The following CACNA1I variants were observed in gnomAD, a reference collection of about 807,000 sequenced individuals.
The protein encoded by CACNA1I is voltage-dependent T-type calcium channel subunit alpha-1I.
In CACNA1I, 74 loss-of-function variants were observed where a neutral mutation model predicts 201.6. The observed-to-expected ratio is 0.37, with a 90% confidence interval of 0.30 to 0.45. The LOEUF (loss-of-function observed/expected upper bound fraction) is 0.45, where lower values mean the gene tolerates loss of function less well. Ranked by LOEUF, CACNA1I falls within the 20% of genes least tolerant of loss-of-function variation. CACNA1I has a pLI of 1.00. For synonymous variants in CACNA1I, 1,431 were observed against 1,345.2 expected, an observed-to-expected ratio of 1.06 and a Z score of -1.40; for missense variants, 2,346 against 3,138.1, an observed-to-expected ratio of 0.75 and a Z score of 6.03.
intron 5 of CACNA1I, among the ~76,000 whole-genome samples, chr22:39,640,339 A>G (rs1934321361): frequency 6.6e-6 from 1 of 152,222 alleles, no homozygotes; most frequent in Non-Finnish European, 1.5e-5. Context: ...CAGTGAGCCA[A>G]GATCTCACCA....
intron 3 of CACNA1I, among the ~76,000 whole-genome samples, chr22:39,613,745 C>A (rs1410955727): frequency 1.3e-5 from 2 of 152,250 alleles, no homozygotes; most frequent in African/African-American, 4.8e-5. Flanking sequence ...CGCTGGCCTG[C>A]TCCGGCCTTG....
chr22:39,624,922 T>C (rs1933856991), intron 4 of CACNA1I, among the ~76,000 whole-genome samples: 1 of 150,784 alleles, frequency 6.6e-6, no homozygotes, highest in African/African-American at 2.4e-5. Flanking sequence ...TTTTTTTTTT[T>C]TTTTGAGACA....
At chr22:39,633,017 C>T (rs1601480355) in intron 4 of CACNA1I, among the ~76,000 whole-genome samples, 1 of 151,904 alleles carries the variant, frequency 6.6e-6, no homozygotes, top group Non-Finnish European at 1.5e-5. Flanking sequence ...AATCACTGCA[C>T]ACAGAGTTTG....
At position 39,629,532 on chromosome 22, in the gene CACNA1I, C is replaced by T. The variant is rs1021933208; in HGVS notation, c.581-5033C>T. On this transcript the variant is annotated intron_variant, in intron 4 of 36. Coordinates refer to ENST00000402142, the MANE Select transcript of CACNA1I (RefSeq NM_021096.4). The surrounding 1 kb of genome is among the most constrained non-coding windows in gnomAD (Gnocchi z 4.8). Reference sequence around the variant, plus strand: ...GTTTATCACAATGATGAATGTATGACGGCCAGGCAGGGCCAGGCAGGACGG... The same window carrying T: ...GTTTATCACAATGATGAATGTATGATGGCCAGGCAGGGCCAGGCAGGACGG... 2.6e-5 allele frequency among the ~76,000 whole-genome samples: 4 copies of T among 150,976 alleles called. No individual in the cohort carries two copies. The highest frequency in any genetic ancestry group is 4.9e-5 in the African/African-American group (2 of 40,954).
chr22:39,592,584 C>T (rs916966940), intron 1 of CACNA1I, among the ~76,000 whole-genome samples: 1 of 152,174 alleles, frequency 6.6e-6, no homozygotes, highest in Non-Finnish European at 1.5e-5. Flanking sequence ...GCCTTGGATG[C>T]CCGTCGCAGG....
intron 3 of CACNA1I, among the ~76,000 whole-genome samples, chr22:39,617,730 C>T (rs1430749015): frequency 1.3e-5 from 2 of 152,002 alleles, no homozygotes; most frequent in Non-Finnish European, 2.9e-5. Context: ...AGGTCACCAT[C>T]GGCCCTCACC....
chr22:39,589,725 G>C (rs1932800030), intron 1 of CACNA1I, among the ~76,000 whole-genome samples: 1 of 152,134 alleles, frequency 6.6e-6, no homozygotes, highest in East Asian at 1.9e-4. Context: ...CCTCAGGCCT[G>C]GAGGGCCTGA....
intron 4 of CACNA1I, among the ~76,000 whole-genome samples, chr22:39,624,908 CTTTT>C (rs136810): frequency 5.0e-5 from 6 of 119,070 alleles, no homozygotes; most frequent in Admixed American, 9.1e-5. Flanking sequence ...GGGACACAGT[CTTTT>C]TTTTTTTTTT....
At chr22:39,611,336 C>T (rs1933382366) in intron 3 of CACNA1I, among the ~76,000 whole-genome samples, 1 of 152,202 alleles carries the variant, frequency 6.6e-6, no homozygotes, top group Admixed American at 6.5e-5. Flanking sequence ...CTTTATGGAT[C>T]AGATCTGGGA....
At chr22:39,613,969 C>T (rs181358067) in intron 3 of CACNA1I, among the ~76,000 whole-genome samples, 41 of 152,326 alleles carry the variant, frequency 2.7e-4, no homozygotes, top group Non-Finnish European at 5.7e-4. Flanking sequence ...TCTTGAGTAG[C>T]TGGGATTACA....
chr22:39,579,418 G>A (rs1322254072), intron 1 of CACNA1I, among the ~76,000 whole-genome samples: 1 of 152,222 alleles, frequency 6.6e-6, no homozygotes, highest in Non-Finnish European at 1.5e-5. Flanking sequence ...CCCGCTTATG[G>A]CTGGCTGTAT....
intron 7 of CACNA1I, among the ~76,000 whole-genome samples, chr22:39,644,662 G>A (rs923996147): frequency 1.3e-5 from 2 of 151,844 alleles, no homozygotes; most frequent in African/African-American, 2.4e-5. Context: ...AGGCCCTAGT[G>A]CTCCTTCTTT....
Position 39,681,039 on chromosome 22 carries a change from G to A in CACNA1I, c.5651G>A (p.Arg1884His), listed in dbSNP as rs763783477. The A allele has an allele frequency of 3.9e-5, 63 of 1,608,604 alleles. No individual in the cohort carries two copies. Among genetic ancestry groups the A allele is most frequent in the Middle Eastern group, 3.3e-4 (2 of 6,078 alleles). The change falls in exon 34 of 37, where the codon CGC becomes CAC. Residue 1884 changes from arginine (R) to histidine (H), a missense_variant. Arg to His is a conservative substitution (Grantham distance 29). Transcript: ENST00000402142. ...GACCCCACAGCCTGCCCACCTGGCC[G>A]CAAAGACAGCAAGGTCAGCTCCCCT... ...LEDPTACPPG[R>H]KDSKGELDPP...
intron 7 of CACNA1I, among the ~76,000 whole-genome samples, chr22:39,646,319 C>T (rs949267536): frequency 5.9e-5 from 9 of 151,938 alleles, no homozygotes; most frequent in Non-Finnish European, 8.8e-5. Flanking sequence ...TTTGTCATCG[C>T]GTCTCTGTAC....
chr22:39,635,483 G>T (rs1934189919), intron 5 of CACNA1I, among the ~76,000 whole-genome samples: 1 of 152,194 alleles, frequency 6.6e-6, no homozygotes, highest in African/African-American at 2.4e-5. Context: ...CTGTACAGGT[G>T]AGGGCTAGTT....
chr22:39,650,410 C>T (rs1007303361), intron 10 of CACNA1I, among the ~76,000 whole-genome samples: 6 of 152,322 alleles, frequency 3.9e-5, no homozygotes, highest in Non-Finnish European at 8.8e-5. Flanking sequence ...CTTCAGCCTC[C>T]CAAGTAGCTG....
At chr22:39,588,447 G>A (rs140578590) in intron 1 of CACNA1I, among the ~76,000 whole-genome samples, 1,838 of 148,242 alleles carry the variant, frequency 0.012, 20 homozygotes, top group East Asian at 0.036. Flanking sequence ...GTGCAGTGGC[G>A]TGATCTCGGC....
intron 4 of CACNA1I, 22 bp from the exon 5 acceptor site, chr22:39,634,543 C>T: frequency 6.2e-7 from 1 of 1,613,434 alleles, no homozygotes. Context: ...TCTGACCATC[C>T]CTCCACCTTT....
intron 34 of CACNA1I, 110 bp from the exon 35 acceptor site, chr22:39,682,386 A>G (rs1392662623): frequency 1.2e-6 from 1 of 852,080 alleles, no homozygotes; most frequent in Non-Finnish European, 1.8e-6. Context: ...GTCAGACTAG[A>G]CATGAGGGTA....
Sources: allele counts gnomAD v4.1 joint callset (sites outside exome capture counted in the v4.1 genomes callset), GRCh38; gene constraint gnomAD v4.1.1; non-coding constraint Gnocchi (gnomAD v3.1); transcripts MANE v1.5; gene names NCBI Gene and HGNC (gene_info 2026-07-23, HGNC 2026-07-21).